IREB2: variants seen among roughly 807,000 people sequenced by gnomAD.
IREB2 encodes the protein iron responsive element binding protein 2.
A neutral mutation model predicts 118.8 loss-of-function variants in IREB2; 39 were observed. The ratio of observed to expected loss-of-function variants is 0.33; its 90% confidence interval spans 0.25 to 0.43. IREB2 has a LOEUF of 0.43. Among genes scored for constraint, IREB2 ranks in the 20% least tolerant of loss-of-function variants. IREB2 has a pLI of 1.00. For missense variants in IREB2, 900 were observed against 1,147.3 expected, an observed-to-expected ratio of 0.78 and a Z score of 3.11; for synonymous variants, 372 against 392.2, an observed-to-expected ratio of 0.95 and a Z score of 0.61.
rs193258681 is a variant in IREB2, at chr15:78,500,721, A to G, written c.*2578A>G. The G allele has an allele frequency of 2.6e-5, 4 of 152,272 alleles. No individual in the cohort carries two copies. Among genetic ancestry groups the G allele is most frequent in the East Asian group, 3.9e-4 (2 of 5,186 alleles). The allele number at this position is 152,272 out of a possible 1,614,324, so 9.4% of individuals were successfully genotyped here. On this transcript the variant is annotated 3_prime_UTR_variant, in exon 22 of 22. Coordinates refer to ENST00000258886, the MANE Select transcript of IREB2 (RefSeq NM_004136.4). ...TTTGGGGTTTTGCTACTCTTATACA[A>G]TGGAATCAATGGAAATGTCATCCAG... is the stretch of plus-strand genomic sequence containing the variant.
At chr15:78,440,308 CCTGA>C (rs1018074534) in intron 2 of IREB2, among the ~76,000 whole-genome samples, 36 of 152,012 alleles carry the variant, frequency 2.4e-4, no homozygotes, top group African/African-American at 8.2e-4. Flanking sequence ...TTTAGAAGAA[CCTGA>C]CTGACTGATG....
chr15:78,489,001 C>T (rs1415041174), intron 16 of IREB2, among the ~76,000 whole-genome samples: 6 of 152,194 alleles, frequency 3.9e-5, no homozygotes, highest in African/African-American at 1.2e-4. Context: ...AGGTTGATCA[C>T]GTGAGGTCCG....
In IREB2 at chr15:78,463,127, G is replaced by A. The variant is rs200380295; in HGVS notation, c.272+40G>A. The stretch of plus-strand genomic sequence containing the variant: ...TATTTTTTGTGAATGAACTCTTAGA[G>A]TGTGTTTCCTTTTTAAAATACAGAC... On this transcript the variant is annotated intron_variant, in intron 3 of 21. Coordinates refer to ENST00000258886, the MANE Select transcript of IREB2 (RefSeq NM_004136.4). The A allele has an allele frequency of 9.4e-5, 141 of 1,497,786 alleles. No individual in the cohort carries two copies. The East Asian group carries it at 3.0e-3, about 32-fold the overall frequency. The allele number at this position is 1,497,786 out of a possible 1,614,324, so 92.8% of individuals were successfully genotyped here.
At chr15:78,469,753 T>C (rs2051344153) in intron 5 of IREB2, among the ~76,000 whole-genome samples, 3 of 152,072 alleles carry the variant, frequency 2.0e-5, no homozygotes, top group East Asian at 3.9e-4. Flanking sequence ...ATTAAACAAC[T>C]GTAATTATCT....
At chr15:78,489,303 A>C (rs2051711087) in intron 16 of IREB2, among the ~76,000 whole-genome samples, 1 of 151,980 alleles carries the variant, frequency 6.6e-6, no homozygotes. Flanking sequence ...GCAGCAAACC[A>C]CCATGGCACA....
chr15:78,496,705 A>ATTAT (rs1359693968), intron 20 of IREB2, among the ~76,000 whole-genome samples: 1 of 152,188 alleles, frequency 6.6e-6, no homozygotes, highest in African/African-American at 2.4e-5. Flanking sequence ...TGGGATTATA[A>ATTAT]GCATATAAGC....
At chr15:78,444,104 C>T (rs1267362607) in intron 2 of IREB2, among the ~76,000 whole-genome samples, 1 of 152,096 alleles carries the variant, frequency 6.6e-6, no homozygotes, top group African/African-American at 2.4e-5. Context: ...GTCAACCTGG[C>T]TGGAGTGCTC....
intron 20 of IREB2, among the ~76,000 whole-genome samples, chr15:78,494,543 T>C (rs1335623531): frequency 1.3e-5 from 2 of 152,190 alleles, no homozygotes; most frequent in Non-Finnish European, 2.9e-5. Context: ...TTTTAAACTA[T>C]TGTTTTATAA....
intron 5 of IREB2, among the ~76,000 whole-genome samples, chr15:78,468,609 AG>A (rs1380999707): frequency 2.0e-5 from 3 of 152,024 alleles, no homozygotes; most frequent in Non-Finnish European, 4.4e-5. Flanking sequence ...AACACATTTA[AG>A]ATTTAGAGTA....
chr15:78,445,942 G>T (rs892997028), intron 2 of IREB2, among the ~76,000 whole-genome samples: 33 of 152,110 alleles, frequency 2.2e-4, no homozygotes, highest in African/African-American at 8.0e-4. Flanking sequence ...ATGCCATCAT[G>T]CCTGGCTAAA....
At chr15:78,495,435 A>T (rs751535481) in intron 20 of IREB2, among the ~76,000 whole-genome samples, 12 of 152,084 alleles carry the variant, frequency 7.9e-5, no homozygotes, top group Non-Finnish European at 1.8e-4. Context: ...CAAGCCATGG[A>T]TGGGGGCTGG....
At chr15:78,451,993 A>G (rs912487350) in intron 2 of IREB2, among the ~76,000 whole-genome samples, 1 of 152,072 alleles carries the variant, frequency 6.6e-6, no homozygotes, top group African/African-American at 2.4e-5. Flanking sequence ...GGGATACTCA[A>G]CCTGTAGTAC....
intron 1 of IREB2, chr15:78,438,650 C>T (rs923472570): frequency 1.4e-5 from 7 of 491,888 alleles, no homozygotes; most frequent in Admixed American, 7.0e-5. Context: ...CAGCGGCTTC[C>T]TGGCCCCCGT....
At position 78,490,770 on chromosome 15, in the gene IREB2, A is replaced by G. The variant is rs1162911458; in HGVS notation, c.2324+9A>G. 3 of 1,612,932 alleles carry G rather than the reference A, an allele frequency of 1.9e-6. No individual in the cohort carries two copies. Among genetic ancestry groups the G allele is most frequent in the African/African-American group, 1.3e-5 (1 of 74,854 alleles). On this transcript the variant is annotated intron_variant, in intron 18 of 21. Transcript: ENST00000258886. ...TATTTGACAAACAGAGGGTATGTGTACATGGCTTTAGAGTGTTTTTGTTTT... is the reference window on the plus strand; with the variant it reads ...TATTTGACAAACAGAGGGTATGTGTGCATGGCTTTAGAGTGTTTTTGTTTT...
chr15:78,500,599 T>C lies in IREB2; in HGVS notation c.*2456T>C, dbSNP rs2051926856. The stretch of plus-strand genomic sequence containing the variant: ...ACACACAAGAAAAGCAAATCAGTGT[T>C]GTAAGCTTAAAGTACAATTTCAAAG... On this transcript the variant is annotated 3_prime_UTR_variant, in exon 22 of 22. Coordinates refer to ENST00000258886, the MANE Select transcript of IREB2 (RefSeq NM_004136.4). 1 of 151,792 alleles carries C rather than the reference T, an allele frequency of 6.6e-6. No homozygotes were observed. The allele number at this position is 151,792 out of a possible 1,614,324, so 9.4% of individuals were successfully genotyped here. A position where few individuals can be genotyped will look rare whatever the true frequency, so the allele number is the denominator to read the frequency against.
chr15:78,462,700 G>A (rs879634094), intron 2 of IREB2, among the ~76,000 whole-genome samples: 3 of 151,928 alleles, frequency 2.0e-5, no homozygotes, highest in Non-Finnish European at 2.9e-5. Flanking sequence ...TTTTATCTCT[G>A]CTTTTTTCAA....
intron 6 of IREB2, 119 bp from the exon 7 acceptor site, chr15:78,471,622 C>G (rs548397306): frequency 1.8e-6 from 1 of 557,982 alleles, no homozygotes; most frequent in African/African-American, 1.9e-5. Flanking sequence ...GTGATATGAA[C>G]TTTGTATTTA....
chr15:78,443,889 T>C (rs1213527755), intron 2 of IREB2, among the ~76,000 whole-genome samples: 1 of 152,094 alleles, frequency 6.6e-6, no homozygotes, highest in Non-Finnish European at 1.5e-5. Flanking sequence ...CAAGCAGTCC[T>C]CCTGCCTTGG....
chr15:78,476,403 A>C (rs755569844), intron 9 of IREB2, 44 bp downstream of exon 9: 1 of 1,328,284 alleles, frequency 7.5e-7, no homozygotes, highest in Non-Finnish European at 1.0e-6. Flanking sequence ...TTACATTTCC[A>C]ATGTGTTTGA....
Sources: allele counts gnomAD v4.1 joint callset (sites outside exome capture counted in the v4.1 genomes callset), GRCh38; gene constraint gnomAD v4.1.1; transcripts MANE v1.5; gene names NCBI Gene and HGNC (gene_info 2026-07-23, HGNC 2026-07-21).